The following XKR6 variants were observed in gnomAD, a reference collection of about 807,000 sequenced individuals.
The protein encoded by XKR6 is XK-related protein 6.
In XKR6, 22 loss-of-function variants were observed where a neutral mutation model predicts 56.7. The observed-to-expected ratio is 0.39, with a 90% CI of 0.28 to 0.55. The LOEUF is 0.55. XKR6 is among the 20% of genes least tolerant of loss of function. The pLI is 0.66. For synonymous variants in XKR6, 524 were observed against 387.8 expected (o/e 1.35, Z -4.13); for missense variants, 852 against 889.0 (o/e 0.96, Z 0.53).
intron 1 of XKR6, among the ~76,000 whole-genome samples, chr8:11,112,702 C>A (rs1313690182): frequency 6.6e-6 from 1 of 152,184 alleles, no homozygotes; most frequent in Non-Finnish European, 1.5e-5. Context: ...CAAGGCGAAG[C>A]TGGCCTGGGG....
intron 1 of XKR6, among the ~76,000 whole-genome samples, chr8:11,158,283 G>GT (rs1801626215): frequency 6.6e-6 from 1 of 152,160 alleles, no homozygotes; most frequent in Non-Finnish European, 1.5e-5. Context: ...AAATTTAAAA[G>GT]TAACACTTAG....
At chr8:11,125,369 G>A (rs1201147348) in intron 1 of XKR6, among the ~76,000 whole-genome samples, 1 of 152,134 alleles carries the variant, frequency 6.6e-6, no homozygotes, top group Non-Finnish European at 1.5e-5. Flanking sequence ...ACACCTTTAG[G>A]TGTGCTCAGG....
intron 1 of XKR6, among the ~76,000 whole-genome samples, chr8:11,122,148 T>C (rs1259012409): frequency 6.6e-6 from 1 of 152,212 alleles, no homozygotes; most frequent in Non-Finnish European, 1.5e-5. Context: ...ACAGTCTCTT[T>C]CAGTGATCTT....
At chr8:11,029,539 C>T (rs538994988) in intron 1 of XKR6, among the ~76,000 whole-genome samples, 107 of 152,220 alleles carry the variant, frequency 7.0e-4, no homozygotes, top group African/African-American at 2.4e-3. Flanking sequence ...GAGGTGGTGC[C>T]CTCCCGTCCT....
intron 1 of XKR6, among the ~76,000 whole-genome samples, chr8:10,978,355 T>C (rs1308362740): frequency 1.3e-5 from 2 of 152,234 alleles, no homozygotes; most frequent in Admixed American, 6.5e-5. Flanking sequence ...AGAAACTTAA[T>C]ATAACATTCA....
chr8:10,948,607 T>A (rs1294507089), intron 1 of XKR6, among the ~76,000 whole-genome samples: 1 of 152,148 alleles, frequency 6.6e-6, no homozygotes, highest in Non-Finnish European at 1.5e-5. Flanking sequence ...GGACATGGTC[T>A]ATCCTTGCAG....
chr8:11,124,140 A>C (rs764552558), intron 1 of XKR6: 1 of 386,018 alleles, frequency 2.6e-6, no homozygotes, highest in Non-Finnish European at 5.2e-6. Context: ...GAATGATTCT[A>C]ATTTACTGGC....
At chr8:11,102,849 C>A (rs148879856) in intron 1 of XKR6, among the ~76,000 whole-genome samples, 6 of 152,224 alleles carry the variant, frequency 3.9e-5, no homozygotes, top group African/African-American at 1.4e-4. Flanking sequence ...TCACCCCATC[C>A]TTGGACACTT....
rs528325201 is a variant in XKR6 at position 10,922,889 on chromosome 8, T to C, written c.961+1745A>G. Among the ~76,000 whole-genome samples the C allele has an allele frequency of 3.2e-4, 49 of 152,344 alleles. 1 individual carries two copies. In the South Asian group the frequency reaches 9.9e-3, roughly 31 times the overall value. ...CGAGGCCTCCTGCTTAGCTTCTGCATGTCCCAGCTGGAGCCGGACATCAAG... is the reference window on the plus strand; with the variant it reads ...CGAGGCCTCCTGCTTAGCTTCTGCACGTCCCAGCTGGAGCCGGACATCAAG... On this transcript the variant is annotated intron_variant, in intron 2 of 2. Transcript: ENST00000416569.
chr8:11,192,479 G>C (rs1357952368), intron 1 of XKR6, among the ~76,000 whole-genome samples: 3 of 151,916 alleles, frequency 2.0e-5, no homozygotes, highest in African/African-American at 4.8e-5. Context: ...GTAAAGCATG[G>C]TGGCACACGC....
At chr8:11,174,049 G>A (rs1802525884) in intron 1 of XKR6, among the ~76,000 whole-genome samples, 2 of 152,068 alleles carry the variant, frequency 1.3e-5, no homozygotes. Flanking sequence ...TATTTCCTTT[G>A]TACATTTGCT....
At chr8:11,104,123 G>C (rs1015480877) in intron 1 of XKR6, among the ~76,000 whole-genome samples, 1 of 152,158 alleles carries the variant, frequency 6.6e-6, no homozygotes, top group Non-Finnish European at 1.5e-5. Context: ...TTCAATGTCG[G>C]GCCTCCTAAG....
chr8:11,176,595 C>A (rs1802668645), intron 1 of XKR6, among the ~76,000 whole-genome samples: 1 of 152,112 alleles, frequency 6.6e-6, no homozygotes, highest in African/African-American at 2.4e-5. Flanking sequence ...TGCTCCACAG[C>A]ATTCCTCATC....
chr8:11,104,580 A>G (rs527247554), intron 1 of XKR6: 10 of 150,632 alleles, frequency 6.6e-5, no homozygotes, highest in Admixed American at 2.0e-4. Flanking sequence ...TTCTTTAAAG[A>G]CAATTAATAA....
chr8:10,970,905 G>T (rs1410971571), intron 1 of XKR6, among the ~76,000 whole-genome samples: 29 of 151,464 alleles, frequency 1.9e-4, no homozygotes, highest in Non-Finnish European at 5.9e-5. Flanking sequence ...CCAGTGCCAG[G>T]AAGAGGTCTC....
At chr8:11,053,423 G>A (rs554233352) in intron 1 of XKR6, among the ~76,000 whole-genome samples, 1 of 152,360 alleles carries the variant, frequency 6.6e-6, no homozygotes, top group African/African-American at 2.4e-5. Flanking sequence ...TCCTTCTGGT[G>A]CTAATTAGAA....
At chr8:11,086,148 A>ATATATTT (rs71203369) in intron 1 of XKR6, among the ~76,000 whole-genome samples, 91 of 120,740 alleles carry the variant, frequency 7.5e-4, no homozygotes, top group Middle Eastern at 4.9e-3. Flanking sequence ...ATATATATAT[A>ATATATTT]TTTTTTTTTA....
At chr8:11,103,922 G>A (rs944957054) in intron 1 of XKR6, among the ~76,000 whole-genome samples, 3 of 152,194 alleles carry the variant, frequency 2.0e-5, no homozygotes, top group Non-Finnish European at 4.4e-5. Context: ...TTCCACTGTT[G>A]CGGAATTTAA....
At chr8:11,057,285 T>C (rs1349829686) in intron 1 of XKR6, among the ~76,000 whole-genome samples, 2 of 152,184 alleles carry the variant, frequency 1.3e-5, no homozygotes, top group South Asian at 2.1e-4. Flanking sequence ...CTAGATACCT[T>C]ATTTATTTCT....
Sources: allele counts gnomAD v4.1 joint callset (sites outside exome capture counted in the v4.1 genomes callset), GRCh38; gene constraint gnomAD v4.1.1; transcripts MANE v1.5; gene names NCBI Gene and HGNC (gene_info 2026-07-23, HGNC 2026-07-21).